The following MRC1 variants were observed in gnomAD, a reference collection of about 807,000 sequenced individuals.
MRC1 encodes mannose receptor C-type 1, also known as macrophage mannose receptor 1.
Under a neutral mutation model 102.9 loss-of-function variants are expected in MRC1, and 62 were observed. That is an observed-to-expected ratio of 0.60 (90% CI 0.49 to 0.74). MRC1 has a LOEUF of 0.74. Ranked by LOEUF, MRC1 falls within the 30% of genes least tolerant of loss-of-function variation. MRC1 has a pLI of 0.00. For synonymous variants in MRC1, 457 were observed against 298.4 expected (o/e 1.53, Z -5.48); for missense variants, 1,237 against 862.8 (o/e 1.43, Z -5.43).
chr10:17,896,367 C>T (rs1201280190), intron 23 of MRC1, among the ~76,000 whole-genome samples: 2 of 152,172 alleles, frequency 1.3e-5, no homozygotes, highest in Non-Finnish European at 2.9e-5. Flanking sequence ...ATTTTTCTCT[C>T]TATACTACAC....
intron 8 of MRC1, among the ~76,000 whole-genome samples, chr10:17,854,232 G>A (rs955696234): frequency 6.6e-5 from 10 of 152,180 alleles, no homozygotes; most frequent in African/African-American, 1.4e-4. Context: ...GGTTACAGGC[G>A]TGAGCCACTG....
chr10:17,833,224 A>C (rs928866541), intron 3 of MRC1, among the ~76,000 whole-genome samples: 1 of 152,162 alleles, frequency 6.6e-6, no homozygotes, highest in Non-Finnish European at 1.5e-5. Flanking sequence ...AGTCATCTTA[A>C]AAACAAGTAA....
At chr10:17,853,414 G>A (rs1833014839) in intron 8 of MRC1, among the ~76,000 whole-genome samples, 1 of 150,984 alleles carries the variant, frequency 6.6e-6, no homozygotes, top group Non-Finnish European at 1.5e-5. Flanking sequence ...TATGTACATG[G>A]CCATATATAT....
At chr10:17,815,425 G>A (rs1326124538) in intron 1 of MRC1, among the ~76,000 whole-genome samples, 3 of 152,182 alleles carry the variant, frequency 2.0e-5, no homozygotes, top group African/African-American at 7.2e-5. Context: ...TTTATCTTAA[G>A]GGGGATCTGG....
At chr10:17,810,904 T>C (rs899931801) in intron 1 of MRC1, among the ~76,000 whole-genome samples, 3 of 152,224 alleles carry the variant, frequency 2.0e-5, no homozygotes, top group Non-Finnish European at 4.4e-5. Context: ...GTGATTCTCC[T>C]GCCTCGGCCT....
intron 3 of MRC1, among the ~76,000 whole-genome samples, chr10:17,828,115 C>G (rs1051034270): frequency 3.9e-5 from 6 of 152,180 alleles, no homozygotes; most frequent in Non-Finnish European, 5.9e-5. Flanking sequence ...CTCGCTGTGT[C>G]TCCCAGGCTG....
intron 3 of MRC1, among the ~76,000 whole-genome samples, chr10:17,833,289 G>A (rs1012195051): frequency 3.3e-5 from 5 of 152,096 alleles, no homozygotes; most frequent in African/African-American, 7.2e-5. Context: ...GGGAAGCTGA[G>A]GCAGGAGAAT....
At chr10:17,830,591 C>G (rs944626898) in intron 3 of MRC1, among the ~76,000 whole-genome samples, 1 of 151,188 alleles carries the variant, frequency 6.6e-6, no homozygotes, top group Non-Finnish European at 1.5e-5. Context: ...TTTCAAGTAT[C>G]GTGAGAACAG....
intron 21 of MRC1, among the ~76,000 whole-genome samples, chr10:17,883,975 G>C (rs1021241891): frequency 2.0e-5 from 3 of 152,134 alleles, no homozygotes; most frequent in Non-Finnish European, 4.4e-5. Context: ...ATTACTAATT[G>C]ATTTGTGTAG....
At chr10:17,865,753 T>C (rs1833257595) in intron 11 of MRC1, among the ~76,000 whole-genome samples, 1 of 152,166 alleles carries the variant, frequency 6.6e-6, no homozygotes, top group Admixed American at 6.6e-5. Context: ...GGAGACAATC[T>C]TAGGAATCAG....
rs1833892944 is a variant in MRC1, at chr10:17,906,226, C to T, written c.3800-660C>T. Among the ~76,000 whole-genome samples, 5 of 151,464 alleles carry T rather than the reference C, an allele frequency of 3.3e-5. No individual in the cohort carries two copies. The South Asian group carries it at 1.0e-3, about 32-fold the overall frequency. On this transcript the variant is annotated intron_variant, in intron 26 of 29. Transcript: ENST00000569591. ...ATCATTCAGCTGCCTGAAAAAAAAA[C>T]TTGGTGTTCTTTATCACCACATTGC... is the stretch of plus-strand genomic sequence containing the variant.
intron 12 of MRC1, among the ~76,000 whole-genome samples, chr10:17,869,860 A>T (rs964856825): frequency 3.7e-4 from 56 of 152,276 alleles, no homozygotes; most frequent in African/African-American, 1.3e-3. Context: ...CTTCTTCTTC[A>T]TGTTTACTTT....
At chr10:17,899,583 A>G (rs1010007028) in intron 24 of MRC1, among the ~76,000 whole-genome samples, 3 of 152,146 alleles carry the variant, frequency 2.0e-5, no homozygotes, top group Non-Finnish European at 4.4e-5. Flanking sequence ...ATTTTTGGCA[A>G]TTGGCTTCGT....
intron 7 of MRC1, 53 bp from the exon 8 acceptor site, chr10:17,852,914 G>C (rs1838938492): frequency 3.8e-6 from 3 of 780,326 alleles, no homozygotes; most frequent in African/African-American, 1.7e-5. Context: ...TTTACCCCCC[G>C]ACCTTTGGAA....
At position 17,872,058 on chromosome 10, in the gene MRC1, A is replaced by G. The variant is rs1833361566; in HGVS notation, c.2276A>G (p.Asp759Gly). The G allele has an allele frequency of 5.1e-6, 4 of 780,688 alleles. No homozygotes were observed. The allele number at this position is 780,688 out of a possible 1,614,324, so 48.4% of individuals were successfully genotyped here. The part of the protein sequence containing the change: ...NVEYCGELKG[D>G]PTMSWNDINC... ...GAATACTGTGGTGAGCTGAAAGGTG[A>G]CCCTACTATGTCTTGGAATGATATT... The change falls in exon 15 of 30, where the codon GAC (aspartate) becomes GGC (glycine). Residue 759 changes from aspartate (D) to glycine (G), a missense_variant. Transcript: ENST00000569591.
At position 17,828,571 on chromosome 10, in the gene MRC1, G is replaced by C. The variant is rs963902506; in HGVS notation, c.637+856G>C. On this transcript the variant is annotated intron_variant, in intron 3 of 29. Transcript: ENST00000569591. Reference sequence around the variant, plus strand: ...AGCATGTGGTTTGATGGAGAAAGACGTGAAGGTCCTGAATTTTGTGTCAAT... The same window carrying C: ...AGCATGTGGTTTGATGGAGAAAGACCTGAAGGTCCTGAATTTTGTGTCAAT... 2.6e-4 allele frequency among the ~76,000 whole-genome samples: 39 copies of C among 151,530 alleles called. 5 individuals carry two copies. Among genetic ancestry groups the C allele is most frequent in the African/African-American group, 9.3e-4 (38 of 40,852 alleles).
At chr10:17,898,383 T>A in intron 24 of MRC1, 117 bp downstream of exon 24, 1 of 763,894 alleles carries the variant, frequency 1.3e-6, no homozygotes. Context: ...TGCTAGGCAA[T>A]GTGAATGATA....
chr10:17,876,527 C>T (rs1028935192), intron 17 of MRC1, among the ~76,000 whole-genome samples: 5 of 152,232 alleles, frequency 3.3e-5, no homozygotes, highest in Admixed American at 1.3e-4. Context: ...GGATTGCAGA[C>T]GTGAGCCACT....
chr10:17,838,034 A>G (rs1384637093), intron 4 of MRC1, among the ~76,000 whole-genome samples: 1 of 152,022 alleles, frequency 6.6e-6, no homozygotes, highest in African/African-American at 2.4e-5. Flanking sequence ...TCATGAATAA[A>G]TATTATTAGC....
Sources: gnomAD v4.1 joint callset for allele counts (sites outside exome capture counted in the v4.1 genomes callset) on GRCh38, gnomAD v4.1.1 for gene constraint, MANE v1.5 for transcripts, NCBI Gene and HGNC (gene_info 2026-07-23, HGNC 2026-07-21) for gene names.